MAGI3: variants seen among roughly 807,000 people sequenced by gnomAD.
The protein encoded by MAGI3 is membrane associated guanylate kinase, WW and PDZ domain containing 3.
Under a neutral mutation model 121.8 loss-of-function variants are expected in MAGI3, and 43 were observed. The ratio of observed to expected loss-of-function variants is 0.35; its 90% CI spans 0.28 to 0.46. The LOEUF is 0.46. Ranked by LOEUF, MAGI3 falls within the 20% of genes least tolerant of loss-of-function variation. MAGI3 has a pLI of 1.00. For synonymous variants in MAGI3, 553 were observed against 639.3 expected, an observed-to-expected ratio of 0.86 and a Z score of 2.04; for missense variants, 1,547 against 1,797.3, an observed-to-expected ratio of 0.86 and a Z score of 2.52.
chr1:113,507,036 G>A (rs111752849), intron 1 of MAGI3, among the ~76,000 whole-genome samples: 3 of 152,278 alleles, frequency 2.0e-5, no homozygotes, highest in South Asian at 2.1e-4. Context: ...CTCCTGATGG[G>A]TGAGAGTTCT....
At chr1:113,601,687 A>G (rs565430722) in intron 6 of MAGI3, among the ~76,000 whole-genome samples, 2,406 of 144,458 alleles carry the variant, frequency 0.017, 84 homozygotes, top group African/African-American at 0.059. Context: ...ATCTAGAACT[A>G]GAAATACCAT....
chr1:113,628,316 T>C (rs1307880886), intron 9 of MAGI3, among the ~76,000 whole-genome samples: 2 of 152,164 alleles, frequency 1.3e-5, no homozygotes, highest in African/African-American at 2.4e-5. Context: ...GAATAAAAAC[T>C]GTACAATTTA....
intron 1 of MAGI3, among the ~76,000 whole-genome samples, chr1:113,514,040 G>A (rs2101616451): frequency 6.6e-6 from 1 of 151,990 alleles, no homozygotes; most frequent in Middle Eastern, 3.4e-3. Context: ...ATCATCACTG[G>A]CCATCAGAGA....
chr1:113,419,255 A>G (rs1267912712), intron 1 of MAGI3, among the ~76,000 whole-genome samples: 1 of 152,184 alleles, frequency 6.6e-6, no homozygotes, highest in African/African-American at 2.4e-5. Context: ...GAAAGTCTCA[A>G]TTGAGAAGTC....
intron 1 of MAGI3, among the ~76,000 whole-genome samples, chr1:113,519,938 A>G (rs756018116): frequency 7.8e-4 from 119 of 152,360 alleles, no homozygotes; most frequent in Non-Finnish European, 1.2e-3. Flanking sequence ...TAATCTTGCA[A>G]GGAAGCTTTT....
At chr1:113,665,493 A>G (rs1354159186) in intron 16 of MAGI3, among the ~76,000 whole-genome samples, 2 of 152,136 alleles carry the variant, frequency 1.3e-5, no homozygotes, top group Non-Finnish European at 2.9e-5. Context: ...GAACTTTTCT[A>G]TATAAAATTT....
chr1:113,650,399 G>A (rs1162904672), intron 13 of MAGI3, among the ~76,000 whole-genome samples: 3 of 152,278 alleles, frequency 2.0e-5, no homozygotes, highest in Admixed American at 2.0e-4. Context: ...TCAGATTTTA[G>A]CAGCTCTGAA....
chr1:113,678,269 C>T (rs1648002838), intron 19 of MAGI3, among the ~76,000 whole-genome samples: 1 of 152,170 alleles, frequency 6.6e-6, no homozygotes, highest in African/African-American at 2.4e-5. Flanking sequence ...CTTTAATTTT[C>T]TTTATCAGCA....
In MAGI3 at chr1:113,390,847, A is replaced by C. The variant is rs1188292704; in HGVS notation, c.-187A>C. Reference sequence around the variant, plus strand: ...GGGAGCGCAGCCGGGAGGGGCGTCCAAGGGGCGTCTCGCGTCTGGGAACGG... The same window carrying C: ...GGGAGCGCAGCCGGGAGGGGCGTCCCAGGGGCGTCTCGCGTCTGGGAACGG... On this transcript the variant is annotated 5_prime_UTR_variant, in exon 1 of 21. Transcript: ENST00000307546. 4 of 282,808 alleles carry C rather than the reference A, an allele frequency of 1.4e-5. No homozygotes were observed. The Admixed American group carries it at 2.1e-4, about 15-fold the overall frequency. 17.5% of individuals were successfully genotyped at this position (282,808 alleles called of 1,614,324 possible). A position where few individuals can be genotyped will look rare whatever the true frequency, so the allele number is the denominator to read the frequency against.
chr1:113,471,918 G>A lies in MAGI3; in HGVS notation c.317-77597G>A, dbSNP rs143844484. Among the ~76,000 whole-genome samples, 115 of 152,144 alleles carry A rather than the reference G, an allele frequency of 7.6e-4. 1 individual carries two copies. The East Asian group carries it at 0.015, about 20-fold the overall frequency. ...TTTCTCCTTTCACTTCTGTTAATACGTGCTTTGTTTATTAATATTTAGATG... is the reference window on the plus strand; with the variant it reads ...TTTCTCCTTTCACTTCTGTTAATACATGCTTTGTTTATTAATATTTAGATG... On this transcript the variant is annotated intron_variant, in intron 1 of 20. Coordinates refer to ENST00000307546, the MANE Select transcript of MAGI3 (RefSeq NM_001142782.2).
chr1:113,419,071 A>G lies in MAGI3; in HGVS notation c.316+27722A>G, dbSNP rs536549839. Among the ~76,000 whole-genome samples the G allele has an allele frequency of 3.3e-5, 5 of 152,182 alleles. No homozygotes were observed. The South Asian group carries it at 1.0e-3, about 31-fold the overall frequency. On this transcript the variant is annotated intron_variant, in intron 1 of 20. Coordinates refer to ENST00000307546, the MANE Select transcript of MAGI3 (RefSeq NM_001142782.2). ...AACTAATGCAGTACTTGTTTAATTG[A>G]TTTTTGATTTTTATAATTCTTATAA... is the stretch of plus-strand genomic sequence containing the variant.
At position 113,658,489 on chromosome 1, in the gene MAGI3, TA is replaced by T; in HGVS notation, c.2630-588del. On this transcript the variant is annotated intron_variant, in intron 15 of 20. Coordinates refer to ENST00000307546, the MANE Select transcript of MAGI3 (RefSeq NM_001142782.2). This position sits in a 1 kb window ranked among gnomAD's most constrained non-coding sequence, Gnocchi z 4.0. The stretch of plus-strand genomic sequence containing the variant: ...CAAATTTTAAAAAGAGCCAAAGGCA[TA>T]AATAAGAGGAATTAATTTACATGTG... Among the ~76,000 whole-genome samples, 1 of 152,330 alleles carries T rather than the reference TA, an allele frequency of 6.6e-6. No homozygotes were observed. The highest frequency in any genetic ancestry group is 2.1e-4 in the South Asian group (1 of 4,828).
chr1:113,671,439 G>C (rs1045107390), intron 16 of MAGI3, among the ~76,000 whole-genome samples: 2 of 152,274 alleles, frequency 1.3e-5, no homozygotes, highest in Admixed American at 1.3e-4. Flanking sequence ...CTGTCTTCTA[G>C]ATAAATATTA....
At chr1:113,678,698 A>G (rs1436315787) in intron 19 of MAGI3, among the ~76,000 whole-genome samples, 1 of 152,214 alleles carries the variant, frequency 6.6e-6, no homozygotes, top group Admixed American at 6.5e-5. Flanking sequence ...GTTTTATCTT[A>G]AGTCCTCCCA....
chr1:113,472,168 C>A, intron 1 of MAGI3, among the ~76,000 whole-genome samples: 1 of 151,546 alleles, frequency 6.6e-6, no homozygotes, highest in East Asian at 1.9e-4. Context: ...GTGCTTAAAG[C>A]TAAAGTTCCT....
Position 113,683,048 on chromosome 1 carries a change from A to G in MAGI3, c.3480A>G (p.Ala1160=). 1 of 1,613,956 alleles carries G rather than the reference A, an allele frequency of 6.2e-7. No individual in the cohort carries two copies. Among genetic ancestry groups the G allele is most frequent in the Non-Finnish European group, 8.5e-7 (1 of 1,179,880 alleles). The stretch of plus-strand genomic sequence containing the variant: ...TGAGAGTTCAGATATGTGAAAAGGC[A>G]GAAGAATTAAAGGACATTGTGCCTG... ...ESLRVQICEK[A]EELKDIVPEK... is the part of the protein sequence containing the mutation. The change falls in exon 21 of 21, where the codon GCA becomes GCG. Residue 1160 remains alanine (A), a synonymous_variant. Transcript: ENST00000307546.
At chr1:113,554,312 G>T (rs546703780) in intron 2 of MAGI3, among the ~76,000 whole-genome samples, 8 of 152,112 alleles carry the variant, frequency 5.3e-5, no homozygotes, top group African/African-American at 1.7e-4. Context: ...TATGAATGAA[G>T]TGGAACCTTA....
intron 1 of MAGI3, among the ~76,000 whole-genome samples, chr1:113,398,552 A>G (rs747444481): frequency 2.0e-5 from 3 of 151,662 alleles, no homozygotes; most frequent in Non-Finnish European, 2.9e-5. Flanking sequence ...CGTAATTATT[A>G]TTTTCTGGCT....
chr1:113,629,763 C>CTCTCTCTCTCTCTCCCT (rs143631602), intron 9 of MAGI3, among the ~76,000 whole-genome samples: 13 of 45,212 alleles, frequency 2.9e-4, no homozygotes, highest in South Asian at 1.2e-3. Context: ...TCTCTCTCTC[C>CTCTCTCTCTCTCTCCCT]CTCCCTCCCT....
Sources: allele counts gnomAD v4.1 joint callset (sites outside exome capture counted in the v4.1 genomes callset), GRCh38; gene constraint gnomAD v4.1.1; non-coding constraint Gnocchi (gnomAD v3.1); transcripts MANE v1.5; gene names NCBI Gene and HGNC (gene_info 2026-07-23, HGNC 2026-07-21).